The following ESRRB variants were observed in gnomAD, a reference collection of about 807,000 sequenced individuals.
The protein encoded by ESRRB is steroid hormone receptor ERR2.
In ESRRB, 16 loss-of-function variants were observed where a neutral mutation model predicts 46.0. The observed-to-expected ratio is 0.35, with a 90% CI of 0.24 to 0.53. ESRRB has a LOEUF of 0.53. Ranked by LOEUF, ESRRB falls within the 20% of genes least tolerant of loss-of-function variation. ESRRB has a pLI of 0.93. For synonymous variants in ESRRB, 246 were observed against 259.6 expected, an observed-to-expected ratio of 0.95 and a Z score of 0.50; for missense variants, 488 against 607.4, an observed-to-expected ratio of 0.80 and a Z score of 2.07.
chr14:76,451,889 CTAAAG>C (rs1467618954), intron 2 of ESRRB, among the ~76,000 whole-genome samples: 2 of 150,342 alleles, frequency 1.3e-5, no homozygotes, highest in Non-Finnish European at 3.0e-5. Flanking sequence ...CCTTGGCCTC[CTAAAG>C]TGCCAAAGTG....
intron 3 of ESRRB, 85 bp from the exon 4 acceptor site, chr14:76,481,931 G>A (rs1002968764): frequency 7.8e-7 from 1 of 1,284,614 alleles, no homozygotes; most frequent in African/African-American, 1.5e-5. Context: ...GAAGGACCCA[G>A]CCAGTGCTGA....
chr14:76,431,549 G>T (rs1008951026), intron 1 of ESRRB, among the ~76,000 whole-genome samples: 1 of 152,178 alleles, frequency 6.6e-6, no homozygotes, highest in Non-Finnish European at 1.5e-5. Flanking sequence ...AAGGGAACAG[G>T]GTCCCACGCT....
intron 1 of ESRRB, among the ~76,000 whole-genome samples, chr14:76,317,605 A>G (rs1883817363): frequency 6.6e-6 from 1 of 152,184 alleles, no homozygotes; most frequent in African/African-American, 2.4e-5. Flanking sequence ...GTTAAAAAAT[A>G]AAGTCAACTG....
intron 1 of ESRRB, among the ~76,000 whole-genome samples, chr14:76,358,381 A>G (rs1295765278): frequency 9.7e-6 from 1 of 103,086 alleles, no homozygotes; most frequent in Non-Finnish European, 2.2e-5. Context: ...GAAAGAAAGA[A>G]AGAAAGAAAG....
At chr14:76,333,455 C>G (rs34016916) in intron 1 of ESRRB, among the ~76,000 whole-genome samples, 23,648 of 53,170 alleles carry the variant, frequency 0.44, 7,553 homozygotes, top group Middle Eastern at 0.7. Flanking sequence ...ATAAGTATAT[C>G]ATATATAAAT....
intron 5 of ESRRB, among the ~76,000 whole-genome samples, chr14:76,485,774 G>A (rs1595166342): frequency 6.6e-6 from 1 of 152,112 alleles, no homozygotes; most frequent in Non-Finnish European, 1.5e-5. Context: ...AGAAAGAGGG[G>A]GACTGGCCAC....
intron 1 of ESRRB, among the ~76,000 whole-genome samples, chr14:76,339,742 C>T (rs1470085854): frequency 6.6e-6 from 1 of 152,216 alleles, no homozygotes; most frequent in Non-Finnish European, 1.5e-5. Flanking sequence ...CACTCACAAG[C>T]CCGGGGCAGG....
At chr14:76,313,502 C>A (rs1399057529) in intron 1 of ESRRB, among the ~76,000 whole-genome samples, 2 of 152,136 alleles carry the variant, frequency 1.3e-5, no homozygotes, top group Non-Finnish European at 2.9e-5. Context: ...ACATAGGAAT[C>A]CAGTCCTGAC....
chr14:76,471,373 T>C (rs1289594742), intron 3 of ESRRB, among the ~76,000 whole-genome samples: 1 of 152,222 alleles, frequency 6.6e-6, no homozygotes, highest in African/African-American at 2.4e-5. Flanking sequence ...CATTTTGCTT[T>C]ACATCACTCA....
chr14:76,377,956 T>A (rs955603760), intron 1 of ESRRB, among the ~76,000 whole-genome samples: 2 of 149,534 alleles, frequency 1.3e-5, no homozygotes, highest in East Asian at 4.0e-4. Context: ...TTAATAATAA[T>A]GGATTCCGAT....
At chr14:76,337,238 C>T (rs952900450) in intron 1 of ESRRB, among the ~76,000 whole-genome samples, 2 of 152,044 alleles carry the variant, frequency 1.3e-5, no homozygotes, top group African/African-American at 2.4e-5. Context: ...TTGCAGTGGC[C>T]GAGACTCTCC....
chr14:76,476,049 A>G (rs1048562498), intron 3 of ESRRB, among the ~76,000 whole-genome samples: 1 of 152,006 alleles, frequency 6.6e-6, no homozygotes, highest in Non-Finnish European at 1.5e-5. Context: ...AGATGCAGAA[A>G]ATCTTTAAGA....
intron 1 of ESRRB, among the ~76,000 whole-genome samples, chr14:76,400,131 C>T (rs1262661481): frequency 6.6e-6 from 1 of 152,220 alleles, no homozygotes; most frequent in Non-Finnish European, 1.5e-5. Context: ...GAAGGATACA[C>T]ACCCCCTCCT....
intron 1 of ESRRB, among the ~76,000 whole-genome samples, chr14:76,344,621 C>CA (rs918909841): frequency 5.3e-5 from 8 of 152,166 alleles, no homozygotes; most frequent in African/African-American, 1.9e-4. Context: ...GAGGCTGAGA[C>CA]AGGTGGATCA....
At chr14:76,404,653 G>A (rs1886096160) in intron 1 of ESRRB, among the ~76,000 whole-genome samples, 1 of 152,020 alleles carries the variant, frequency 6.6e-6, no homozygotes, top group Admixed American at 6.6e-5. Context: ...CCCCTTCCCA[G>A]TGCTTAGAAT....
At chr14:76,335,705 C>T (rs1884118786) in intron 1 of ESRRB, among the ~76,000 whole-genome samples, 1 of 152,194 alleles carries the variant, frequency 6.6e-6, no homozygotes, top group South Asian at 2.1e-4. Context: ...ATGCCATTCT[C>T]TTCCCGCCCC....
At chr14:76,478,396 G>A (rs1016558194) in intron 3 of ESRRB, among the ~76,000 whole-genome samples, 1 of 151,996 alleles carries the variant, frequency 6.6e-6, no homozygotes, top group Non-Finnish European at 1.5e-5. Flanking sequence ...CGGCAGAGGT[G>A]GCAGCTGCCC....
At chr14:76,337,131 G>C (rs1017506249) in intron 1 of ESRRB, among the ~76,000 whole-genome samples, 7 of 152,136 alleles carry the variant, frequency 4.6e-5, no homozygotes, top group African/African-American at 1.7e-4. Context: ...TGGCGTGGAT[G>C]AGGAGAAGCA....
intron 1 of ESRRB, among the ~76,000 whole-genome samples, chr14:76,341,285 G>A (rs572823980): frequency 5.9e-5 from 9 of 152,314 alleles, no homozygotes; most frequent in African/African-American, 1.7e-4. Flanking sequence ...GCTGGTTCTC[G>A]GCCTGGGGGC....
Sources: gnomAD v4.1 joint callset for allele counts (sites outside exome capture counted in the v4.1 genomes callset) on GRCh38, gnomAD v4.1.1 for gene constraint, MANE v1.5 for transcripts, NCBI Gene and HGNC (gene_info 2026-07-23, HGNC 2026-07-21) for gene names.